The following FHOD3 variants were observed in gnomAD, a reference collection of about 807,000 sequenced individuals.
FHOD3 encodes formin homology 2 domain containing 3.
Under a neutral mutation model 173.0 loss-of-function variants are expected in FHOD3, and 90 were observed. That is an observed-to-expected ratio of 0.52 (90% CI 0.44 to 0.62). The LOEUF is 0.62. Among genes scored for constraint, FHOD3 ranks in the 20% least tolerant of loss-of-function variants. FHOD3 has a pLI of 0.00. For missense variants in FHOD3, 1,945 were observed against 2,034.7 expected, an observed-to-expected ratio of 0.96 and a Z score of 0.85; for synonymous variants, 828 against 823.0, an observed-to-expected ratio of 1.01 and a Z score of -0.10.
At position 36,779,543 on chromosome 18, in the gene FHOD3, A is replaced by T. The variant is rs1315462462; in HGVS notation, c.*13A>T. 1 of 1,612,878 alleles carries T rather than the reference A, an allele frequency of 6.2e-7. No homozygotes were observed. The highest frequency in any genetic ancestry group is 8.5e-7 in the Non-Finnish European group (1 of 1,179,008). Reference sequence around the variant, plus strand: ...GTTGCAGCTGTGACACTCATAGGTTACTCCCAGGAGTGTGCTGAGCAGAAG... The same window carrying T: ...GTTGCAGCTGTGACACTCATAGGTTTCTCCCAGGAGTGTGCTGAGCAGAAG... On this transcript the variant is annotated 3_prime_UTR_variant, in exon 29 of 29. Coordinates refer to ENST00000590592, the MANE Select transcript of FHOD3 (RefSeq NM_001281740.3).
intron 3 of FHOD3, among the ~76,000 whole-genome samples, chr18:36,389,380 A>T (rs1450389866): frequency 1.3e-5 from 2 of 152,176 alleles, no homozygotes; most frequent in Non-Finnish European, 1.5e-5. Context: ...GGCCTTTGTC[A>T]GTTGACTTGT....
At chr18:36,508,265 T>A (rs1445995262) in intron 4 of FHOD3, among the ~76,000 whole-genome samples, 1 of 145,918 alleles carries the variant, frequency 6.9e-6, no homozygotes, top group Admixed American at 6.8e-5. Flanking sequence ...CTTAAGCAAA[T>A]AAGCTTTTTT....
chr18:36,465,521 C>T (rs867842306), intron 3 of FHOD3, among the ~76,000 whole-genome samples: 2 of 152,102 alleles, frequency 1.3e-5, no homozygotes, highest in African/African-American at 4.8e-5. Flanking sequence ...GTGCTGCCCA[C>T]CCGCCCTTGT....
chr18:36,576,367 A>G, intron 5 of FHOD3, 84 bp from the exon 6 acceptor site: 1 of 944,918 alleles, frequency 1.1e-6, no homozygotes, highest in Non-Finnish European at 1.6e-6. Flanking sequence ...TTAAAGTATG[A>G]AAATCTTGAT....
intron 1 of FHOD3, among the ~76,000 whole-genome samples, chr18:36,327,414 C>T (rs2044727956): frequency 6.6e-6 from 1 of 152,210 alleles, no homozygotes; most frequent in Non-Finnish European, 1.5e-5. Flanking sequence ...CTTTCAAAGG[C>T]AAAAACCGCA....
chr18:36,561,756 A>C (rs2058089148), intron 5 of FHOD3, among the ~76,000 whole-genome samples: 1 of 152,090 alleles, frequency 6.6e-6, no homozygotes, highest in African/African-American at 2.4e-5. Flanking sequence ...TTTGTACACT[A>C]TCAATTTAGA....
At chr18:36,388,018 G>A (rs1355412525) in intron 3 of FHOD3, among the ~76,000 whole-genome samples, 1 of 152,050 alleles carries the variant, frequency 6.6e-6, no homozygotes, top group Admixed American at 6.5e-5. Flanking sequence ...ACTGAACTTT[G>A]GGGACATAGT....
At chr18:36,335,822 CA>C (rs1010388344) in intron 1 of FHOD3, among the ~76,000 whole-genome samples, 42 of 152,262 alleles carry the variant, frequency 2.8e-4, no homozygotes, top group African/African-American at 7.5e-4. Flanking sequence ...TGTTGCTAGA[CA>C]GGGGTGGCTC....
chr18:36,683,164 G>C (rs778299354), intron 15 of FHOD3, among the ~76,000 whole-genome samples: 4 of 152,162 alleles, frequency 2.6e-5, no homozygotes, highest in Non-Finnish European at 5.9e-5. Flanking sequence ...TTTCATGAGG[G>C]TAGTTCTGGA....
At chr18:36,315,110 T>G (rs1420827603) in intron 1 of FHOD3, among the ~76,000 whole-genome samples, 3 of 144,318 alleles carry the variant, frequency 2.1e-5, no homozygotes, top group African/African-American at 8.9e-5. Context: ...CAGGCTGGCC[T>G]GGTCTCAGCC....
At position 36,718,090 on chromosome 18, in the gene FHOD3, T is replaced by C. The variant is rs2040558825; in HGVS notation, c.2792T>C (p.Leu931Ser). 11 of 1,599,054 alleles carry C rather than the reference T, an allele frequency of 6.9e-6. No individual in the cohort carries two copies. Among genetic ancestry groups the C allele is most frequent in the Non-Finnish European group, 9.4e-6 (11 of 1,171,912 alleles). Residue 931 changes from leucine (L) to serine (S), a missense_variant, in exon 19 of 29, where the codon TTG (leucine) becomes TCG (serine). By Grantham distance (145) the Leu-to-Ser change is moderately radical. Coordinates refer to ENST00000590592, the MANE Select transcript of FHOD3 (RefSeq NM_001281740.3). ...GTCAGGAGGGTGGATGTCGGCTGTT[T>C]GGACAATCGGGGCAGTGTGAAAGCA... ...ESVRRVDVGC[L>S]DNRGSVKAFA...
At chr18:36,351,569 C>T (rs900389518) in intron 1 of FHOD3, among the ~76,000 whole-genome samples, 3 of 152,162 alleles carry the variant, frequency 2.0e-5, no homozygotes, top group African/African-American at 7.2e-5. Context: ...CTGTGCCTGA[C>T]ATATAATTTT....
chr18:36,423,116 AC>A (rs34527714), intron 3 of FHOD3, among the ~76,000 whole-genome samples: 151,434 of 151,468 alleles, frequency 1, 75,700 homozygotes, highest in Middle Eastern at 1. Flanking sequence ...CTCGATTCAC[AC>A]CCCCCCCAAA....
intron 16 of FHOD3, among the ~76,000 whole-genome samples, chr18:36,692,125 A>G (rs560713508): frequency 6.6e-6 from 1 of 152,354 alleles, no homozygotes; most frequent in East Asian, 1.9e-4. Flanking sequence ...AAAAGGGGTG[A>G]GGATTACAGA....
intron 1 of FHOD3, among the ~76,000 whole-genome samples, chr18:36,317,590 A>C (rs550454093): frequency 9.1e-4 from 138 of 151,930 alleles, no homozygotes; most frequent in African/African-American, 3.3e-3. Context: ...TTTTCTTGTA[A>C]ATTTTGTTTA....
chr18:36,324,637 G>C (rs2044573666), intron 1 of FHOD3, among the ~76,000 whole-genome samples: 1 of 152,156 alleles, frequency 6.6e-6, no homozygotes, highest in African/African-American at 2.4e-5. Context: ...TTATTCATCA[G>C]GGAAATGCAA....
At position 36,611,994 on chromosome 18, in the gene FHOD3, G is replaced by A. The variant is rs751568896; in HGVS notation, c.856G>A (p.Val286Met). ...LPDQDTFYDV[V>M]DCLEELGIAA... ...AGACCAAGACACCTTCTACGACGTCGTGGACTGCCTGGAGGAGCTGGGCAT... is the reference window on the plus strand; with the variant it reads ...AGACCAAGACACCTTCTACGACGTCATGGACTGCCTGGAGGAGCTGGGCAT... Residue 286 changes from valine (V) to methionine (M), a missense_variant, in exon 9 of 29, where the codon GTG becomes ATG. Val to Met is a conservative substitution (Grantham distance 21). This residue lies in a region of FHOD3 where 1,099 missense variants were observed against 1,051.2 expected (regional missense o/e 1.05). Transcript: ENST00000590592. 7.4e-6 allele frequency: 12 copies of A among 1,614,126 alleles called. No individual in the cohort carries two copies. The Admixed American group carries it at 1.3e-4, about 18-fold the overall frequency.
chr18:36,686,760 ACTGG>A (rs1451738330), intron 15 of FHOD3, among the ~76,000 whole-genome samples: 5 of 152,202 alleles, frequency 3.3e-5, no homozygotes, highest in African/African-American at 1.2e-4. Flanking sequence ...CCAGAGCTCA[ACTGG>A]ATGCTAATCA....
chr18:36,579,573 A>G (rs1329105201), intron 6 of FHOD3, among the ~76,000 whole-genome samples: 1 of 152,210 alleles, frequency 6.6e-6, no homozygotes, highest in Non-Finnish European at 1.5e-5. Flanking sequence ...TTAGGTCATG[A>G]AAGCTCTGCT....
Sources: allele counts gnomAD v4.1 joint callset (sites outside exome capture counted in the v4.1 genomes callset), GRCh38; gene constraint gnomAD v4.1.1; regional missense constraint gnomAD v4.1.1; transcripts MANE v1.5; gene names NCBI Gene and HGNC (gene_info 2026-07-23, HGNC 2026-07-21).